The following PACC1 variants were observed in gnomAD, a reference collection of about 807,000 sequenced individuals.
The protein encoded by PACC1 is proton-activated chloride channel.
In PACC1, 34 loss-of-function variants were observed where a neutral mutation model predicts 39.7. The observed-to-expected ratio is 0.86, with a 90% CI of 0.65 to 1.14. The LOEUF (loss-of-function observed/expected upper bound fraction) is 1.14. Among genes scored for constraint, PACC1 ranks in the 50% most tolerant of loss-of-function variants. The pLI, the probability that PACC1 is intolerant of heterozygous loss-of-function variation, is 0.00. For missense variants in PACC1, 379 were observed against 436.4 expected, an observed-to-expected ratio of 0.87 and a Z score of 1.17; for synonymous variants, 127 against 160.6, an observed-to-expected ratio of 0.79 and a Z score of 1.58.
At chr1:212,400,786 G>A (rs1661682844) in intron 2 of PACC1, among the ~76,000 whole-genome samples, 1 of 152,208 alleles carries the variant, frequency 6.6e-6, no homozygotes, top group African/African-American at 2.4e-5. Context: ...TGCACAAGAT[G>A]TTCCTGGGAA....
intron 2 of PACC1, among the ~76,000 whole-genome samples, chr1:212,387,399 C>G (rs541780349): frequency 6.6e-6 from 1 of 152,116 alleles, no homozygotes; most frequent in African/African-American, 2.4e-5. Context: ...AAAGAAAAAG[C>G]AAAAAACAAA....
chr1:212,367,011 T>C (rs767449817), intron 7 of PACC1, among the ~76,000 whole-genome samples: 11 of 152,200 alleles, frequency 7.2e-5, no homozygotes, highest in African/African-American at 9.6e-5. Context: ...ATACTAGATT[T>C]AGGCCTGGCT....
intron 2 of PACC1, among the ~76,000 whole-genome samples, chr1:212,398,431 T>C (rs956668296): frequency 6.6e-6 from 1 of 152,240 alleles, no homozygotes; most frequent in Non-Finnish European, 1.5e-5. Flanking sequence ...TGCTGTTTTT[T>C]GGCAAAATAC....
chr1:212,393,179 G>C (rs1160096656), intron 2 of PACC1, among the ~76,000 whole-genome samples: 2 of 152,104 alleles, frequency 1.3e-5, no homozygotes, highest in East Asian at 1.9e-4. Flanking sequence ...TGACCACATA[G>C]TTGGAAGTAA....
intron 7 of PACC1, among the ~76,000 whole-genome samples, chr1:212,374,856 A>G (rs1282972297): frequency 6.6e-6 from 1 of 152,220 alleles, no homozygotes; most frequent in African/African-American, 2.4e-5. Flanking sequence ...TTATTCAACG[A>G]ACATTACTAC....
intron 2 of PACC1, among the ~76,000 whole-genome samples, chr1:212,392,879 G>A (rs532928603): frequency 6.6e-6 from 1 of 151,734 alleles, no homozygotes; most frequent in African/African-American, 2.4e-5. Context: ...TCAACAAGAA[G>A]AGCTAACTAT....
In PACC1 at chr1:212,375,276, GGTCAAT is replaced by G; in HGVS notation, c.802_807del (p.Ile268_Asp269del). 1 of 1,613,810 alleles carries G rather than the reference GGTCAAT, an allele frequency of 6.2e-7. No individual in the cohort carries two copies. The highest frequency in any genetic ancestry group is 1.1e-5 in the South Asian group (1 of 91,058). ...GCACTTTTTTTGGCAGCTGGCCTCT[GGTCAAT>G]GTAGTTAACCACACTTGTCTAGATG... On this transcript the variant is annotated inframe_deletion, in exon 7 of 8. Coordinates refer to ENST00000261455, the MANE Select transcript of PACC1 (RefSeq NM_018252.3).
At chr1:212,403,187 T>C (rs1049143971) in intron 2 of PACC1, among the ~76,000 whole-genome samples, 1 of 152,226 alleles carries the variant, frequency 6.6e-6, no homozygotes. Flanking sequence ...AGGAAATGAA[T>C]AGACTAAAGC....
chr1:212,409,948 A>G (rs545387769), intron 2 of PACC1, among the ~76,000 whole-genome samples: 2 of 152,222 alleles, frequency 1.3e-5, no homozygotes, highest in Non-Finnish European at 2.9e-5. Context: ...CTAAGGGAGC[A>G]GCGTGTATCC....
intron 2 of PACC1, among the ~76,000 whole-genome samples, chr1:212,404,297 G>A (rs191409694): frequency 1.3e-5 from 2 of 151,442 alleles, no homozygotes; most frequent in East Asian, 2.0e-4. Context: ...TAGTAGAGAC[G>A]GGGTTTCATC....
rs113565379 is a variant in PACC1, at chr1:212,413,829, C to T, written c.36+893G>A. The T allele has an allele frequency of 8.3e-3, 12,004 of 1,442,580 alleles. 677 individuals are homozygous for T. In the African/African-American group the frequency reaches 0.13, roughly 16 times the overall value. 89.4% of individuals were successfully genotyped at this position (1,442,580 alleles called of 1,614,324 possible). A position where few individuals can be genotyped will look rare whatever the true frequency, so the allele number is the denominator to read the frequency against. Reference sequence around the variant, plus strand: ...GGAGAGTATAAGAGACTAAAGGGAGCGATGGTAACACAGTATCGCACTCAG... The same window carrying T: ...GGAGAGTATAAGAGACTAAAGGGAGTGATGGTAACACAGTATCGCACTCAG... On this transcript the variant is annotated intron_variant, in intron 1 of 7. Coordinates refer to ENST00000261455, the MANE Select transcript of PACC1 (RefSeq NM_018252.3).
intron 2 of PACC1, among the ~76,000 whole-genome samples, chr1:212,392,704 A>G (rs1191152149): frequency 3.9e-4 from 60 of 152,156 alleles, no homozygotes; most frequent in Non-Finnish European, 8.2e-4. Context: ...TCACGTGCAG[A>G]GACACACATA....
chr1:212,381,770 G>C (rs866959253), intron 4 of PACC1, among the ~76,000 whole-genome samples: 4 of 118,144 alleles, frequency 3.4e-5, no homozygotes, highest in South Asian at 2.7e-4. Flanking sequence ...ACAGCACAGT[G>C]ACACACACAC....
At chr1:212,389,213 G>GAGCA (rs1661214439) in intron 2 of PACC1, among the ~76,000 whole-genome samples, 1 of 152,160 alleles carries the variant, frequency 6.6e-6, no homozygotes, top group African/African-American at 2.4e-5. Context: ...AGGGCTGGAA[G>GAGCA]AGCAGCCAGA....
intron 4 of PACC1, among the ~76,000 whole-genome samples, chr1:212,383,182 G>A (rs1285368957): frequency 6.6e-6 from 1 of 152,220 alleles, no homozygotes; most frequent in Non-Finnish European, 1.5e-5. Context: ...GGCAGTAGCT[G>A]CATTCAACTT....
intron 2 of PACC1, among the ~76,000 whole-genome samples, chr1:212,396,450 G>A (rs1355141483): frequency 2.0e-5 from 3 of 152,070 alleles, no homozygotes; most frequent in Admixed American, 6.6e-5. Flanking sequence ...GGTGGGGGAA[G>A]GGGTAGGGAT....
chr1:212,369,449 A>G (rs1660363927), intron 7 of PACC1, among the ~76,000 whole-genome samples: 1 of 152,220 alleles, frequency 6.6e-6, no homozygotes, highest in Non-Finnish European at 1.5e-5. Flanking sequence ...ATGCTGCCAT[A>G]CAGCGTATAG....
chr1:212,365,047 C>T lies in PACC1; in HGVS notation c.*168G>A. 1.9e-6 allele frequency: 1 copy of T among 524,456 alleles called. No homozygotes were observed. The highest frequency in any genetic ancestry group is 3.8e-5 in the South Asian group (1 of 26,050). The allele number at this position is 524,456 out of a possible 1,614,324, so 32.5% of individuals were successfully genotyped here. Reference sequence around the variant, plus strand: ...TTAGTCTCTTCTATTAGGCTCTACACCGCCTCTTTTGGGACGGGGTTAGAA... The same window carrying T: ...TTAGTCTCTTCTATTAGGCTCTACATCGCCTCTTTTGGGACGGGGTTAGAA... On this transcript the variant is annotated 3_prime_UTR_variant, in exon 8 of 8. Coordinates refer to ENST00000261455, the MANE Select transcript of PACC1 (RefSeq NM_018252.3).
chr1:212,405,363 G>T (rs1011812824), intron 2 of PACC1, among the ~76,000 whole-genome samples: 1 of 152,198 alleles, frequency 6.6e-6, no homozygotes, highest in African/African-American at 2.4e-5. Context: ...GCAGTGCCAA[G>T]GGATGGATAA....
Sources: allele counts gnomAD v4.1 joint callset (sites outside exome capture counted in the v4.1 genomes callset), GRCh38; gene constraint gnomAD v4.1.1; transcripts MANE v1.5; gene names NCBI Gene and HGNC (gene_info 2026-07-23, HGNC 2026-07-21).